The following PLOD2 variants were observed in gnomAD, a reference collection of about 807,000 sequenced individuals.
PLOD2 encodes the protein lysine hydroxylase 2.
Under a neutral mutation model 101.0 loss-of-function variants are expected in PLOD2, and 65 were observed. The observed-to-expected ratio is 0.64, with a 90% CI of 0.53 to 0.79. PLOD2 has a LOEUF of 0.79. PLOD2 is among the 30% of genes least tolerant of loss of function. The pLI is 0.00. For synonymous variants in PLOD2, 314 were observed against 302.9 expected, an observed-to-expected ratio of 1.04 and a Z score of -0.38; for missense variants, 909 against 914.6, an observed-to-expected ratio of 0.99 and a Z score of 0.08.
chr3:146,140,076 G>A (rs774780030), intron 1 of PLOD2, among the ~76,000 whole-genome samples: 35 of 152,160 alleles, frequency 2.3e-4, no homozygotes, highest in Non-Finnish European at 4.6e-4. Context: ...TCTTTTGAAC[G>A]CAATTTAAAT....
At chr3:146,116,763 C>T (rs1443231828) in intron 3 of PLOD2, among the ~76,000 whole-genome samples, 53 of 152,070 alleles carry the variant, frequency 3.5e-4, no homozygotes, top group Non-Finnish European at 2.5e-4. Context: ...CAGATGGTCT[C>T]ACTCATATAT....
Position 146,071,259 on chromosome 3 carries a change from G to T in PLOD2, c.1995+18C>A. ...AAAATGGGTAAGAAATAGGCTGGAG[G>T]GGTGAGAGGATAACTACCTTCGTAT... On this transcript the variant is annotated intron_variant, in intron 18 of 19. Coordinates refer to ENST00000282903, the MANE Select transcript of PLOD2 (RefSeq NM_182943.3). 6.2e-7 allele frequency: 1 copy of T among 1,611,650 alleles called. No individual in the cohort carries two copies.
chr3:146,114,040 T>C (rs1414215890), intron 3 of PLOD2, among the ~76,000 whole-genome samples: 2 of 152,150 alleles, frequency 1.3e-5, no homozygotes, highest in Non-Finnish European at 2.9e-5. Flanking sequence ...ATAGCCCCAG[T>C]CTCTGGTAGC....
At chr3:146,097,717 A>T (rs1937251847) in intron 7 of PLOD2, among the ~76,000 whole-genome samples, 1 of 133,060 alleles carries the variant, frequency 7.5e-6, no homozygotes, top group Admixed American at 7.8e-5. Flanking sequence ...TCACTTGTTT[A>T]TCTGCTGACC....
chr3:146,148,305 A>G (rs2031880086), intron 1 of PLOD2, among the ~76,000 whole-genome samples: 1 of 145,362 alleles, frequency 6.9e-6, no homozygotes, highest in African/African-American at 2.5e-5. Context: ...TAGATATCTA[A>G]TTATTTATAC....
At chr3:146,128,483 G>A (rs1319249561) in intron 1 of PLOD2, among the ~76,000 whole-genome samples, 1 of 152,078 alleles carries the variant, frequency 6.6e-6, no homozygotes, top group Non-Finnish European at 1.5e-5. Context: ...CTTACCAAAT[G>A]AAAATCAGTG....
intron 2 of PLOD2, among the ~76,000 whole-genome samples, chr3:146,122,297 T>C (rs1165843978): frequency 2.0e-5 from 3 of 152,184 alleles, no homozygotes; most frequent in Non-Finnish European, 4.4e-5. Context: ...CTAGAAGCAT[T>C]AATAGTACTT....
intron 3 of PLOD2, among the ~76,000 whole-genome samples, chr3:146,115,089 G>A (rs937731145): frequency 6.6e-5 from 10 of 151,976 alleles, no homozygotes; most frequent in African/African-American, 2.2e-4. Flanking sequence ...TGTCTCCCCC[G>A]GACACCCAGC....
chr3:146,130,687 G>A (rs563944018), intron 1 of PLOD2, among the ~76,000 whole-genome samples: 1 of 152,098 alleles, frequency 6.6e-6, no homozygotes, highest in African/African-American at 2.4e-5. Flanking sequence ...TAAAGTAATC[G>A]ACTTAGCCAA....
intron 12 of PLOD2, 27 bp downstream of exon 12, chr3:146,081,711 A>G (rs371858738): frequency 8.9e-6 from 14 of 1,571,246 alleles, no homozygotes; most frequent in African/African-American, 1.3e-5. Context: ...GGTATTTCAC[A>G]TTAAAATATT....
chr3:146,097,604 G>T (rs1490515831), intron 7 of PLOD2, among the ~76,000 whole-genome samples: 1 of 117,406 alleles, frequency 8.5e-6, no homozygotes, highest in Non-Finnish European at 1.7e-5. Context: ...AAGGCAGCAT[G>T]CTCGTTAAGA....
intron 1 of PLOD2, among the ~76,000 whole-genome samples, chr3:146,126,832 A>C (rs986314714): frequency 1.3e-5 from 2 of 152,124 alleles, no homozygotes; most frequent in East Asian, 3.9e-4. Flanking sequence ...TTTTTTTAAA[A>C]AAGAGTCCTT....
At chr3:146,133,854 G>C (rs1237989268) in intron 1 of PLOD2, among the ~76,000 whole-genome samples, 1 of 152,116 alleles carries the variant, frequency 6.6e-6, no homozygotes, top group African/African-American at 2.4e-5. Flanking sequence ...TGAGATGGCT[G>C]ACCAAACCAA....
intron 1 of PLOD2, among the ~76,000 whole-genome samples, chr3:146,156,725 T>C (rs1318439887): frequency 6.6e-6 from 1 of 152,220 alleles, no homozygotes; most frequent in Non-Finnish European, 1.5e-5. Context: ...AGCTTTCCTT[T>C]TGTTTCTCTA....
chr3:146,099,048 C>A (rs988416147), intron 7 of PLOD2, among the ~76,000 whole-genome samples: 2 of 151,906 alleles, frequency 1.3e-5, no homozygotes, highest in Non-Finnish European at 2.9e-5. Flanking sequence ...AATATAATAT[C>A]TATAATAAAA....
chr3:146,099,880 C>CTTTT (rs5853264), intron 7 of PLOD2, among the ~76,000 whole-genome samples: 114 of 129,274 alleles, frequency 8.8e-4, no homozygotes, highest in African/African-American at 3.1e-3. Context: ...CAGTGACCAA[C>CTTTT]TTTTTTTTTT....
At chr3:146,079,937 TG>T (rs1409324386) in intron 12 of PLOD2, among the ~76,000 whole-genome samples, 1 of 152,048 alleles carries the variant, frequency 6.6e-6, no homozygotes, top group African/African-American at 2.4e-5. Context: ...ACATGAACGT[TG>T]CATCCTTTCC....
chr3:146,109,531 C>T (rs554012871), intron 4 of PLOD2, among the ~76,000 whole-genome samples: 197 of 152,286 alleles, frequency 1.3e-3, no homozygotes, highest in Non-Finnish European at 2.1e-3. Context: ...ACGTAGATCA[C>T]CCCCAAAATC....
chr3:146,158,664 C>G (rs1159007332), intron 1 of PLOD2, among the ~76,000 whole-genome samples: 1 of 145,142 alleles, frequency 6.9e-6, no homozygotes, highest in Admixed American at 6.9e-5. Flanking sequence ...GACATTAGGC[C>G]TTTTTTGTTT....
Sources: gnomAD v4.1 joint callset for allele counts (sites outside exome capture counted in the v4.1 genomes callset) on GRCh38, gnomAD v4.1.1 for gene constraint, MANE v1.5 for transcripts, NCBI Gene and HGNC (gene_info 2026-07-23, HGNC 2026-07-21) for gene names.